Variants in LGALS3BP observed in about 807,000 individuals in gnomAD.
The protein encoded by LGALS3BP is galectin-3-binding protein.
A neutral mutation model predicts 22.9 loss-of-function variants in LGALS3BP; 25 were observed. That is an observed-to-expected ratio of 1.09 (90% CI 0.80 to 1.53). LGALS3BP has a LOEUF of 1.53. Ranked by LOEUF, LGALS3BP falls within the 40% of genes most tolerant of loss-of-function variation. The pLI, the probability that LGALS3BP is intolerant of heterozygous loss-of-function variation, is 0.00. For missense variants in LGALS3BP, 718 were observed against 752.0 expected (o/e 0.95, Z 0.53); for synonymous variants, 335 against 331.1 (o/e 1.01, Z -0.13).
chr17:78,971,581 C>A lies in LGALS3BP; in HGVS notation c.1753G>T (p.Asp585Tyr), dbSNP rs1407860232. 1 of 1,612,602 alleles carries A rather than the reference C, an allele frequency of 6.2e-7. No homozygotes were observed. Among genetic ancestry groups the A allele is most frequent in the Non-Finnish European group, 8.5e-7 (1 of 1,179,644 alleles). The change falls in exon 6 of 6, where the codon GAC becomes TAC. Residue 585 changes from aspartate (D) to tyrosine (Y), a missense_variant. By Grantham distance (160) the Asp-to-Tyr change is radical (BLOSUM62 -3). Transcript: ENST00000262776. The surrounding 1 kb of genome is among the most constrained non-coding windows in gnomAD (Gnocchi z 5.6). ...CCACCCTTGGGCCACGCCGTCTAGT[C>A]CACACCTGAGGAGTTGGTCAGGTAG... Reference protein sequence around the residue: ...PFYLTNSSGVD With the variant: ...PFYLTNSSGVY
At position 78,972,610 on chromosome 17, in the gene LGALS3BP, A is replaced by G; in HGVS notation, c.724T>C (p.Tyr242His). The G allele has an allele frequency of 6.3e-7, 1 of 1,579,212 alleles. No individual in the cohort carries two copies. The highest frequency in any genetic ancestry group is 1.8e-5 in the Admixed American group (1 of 56,746). ...SAYGARQLQG[Y>H]CASLFAILLP... ...AGGATGGCAAAGAGGCTTGCGCAGT[A>G]GCCCTGCAGCTGCCTGGCCCCATAG... The change falls in exon 6 of 6, where the codon TAC becomes CAC. Residue 242 changes from tyrosine to histidine, a missense_variant. Physicochemically the swap from Tyr to His is moderately conservative, Grantham distance 83. Transcript: ENST00000262776. The surrounding 1 kb of genome is among the most constrained non-coding windows in gnomAD (Gnocchi z 5.1).
intron 1 of LGALS3BP, 104 bp from the exon 2 acceptor site, chr17:78,977,318 G>A (rs150296248): frequency 1.5e-4 from 128 of 877,992 alleles, no homozygotes; most frequent in Non-Finnish European, 2.2e-4. Flanking sequence ...GGGCTGTGTG[G>A]CAGGCGGGGT....
In LGALS3BP at chr17:78,976,799, C is replaced by G. The variant is rs1298896442; in HGVS notation, c.52+341G>C. ...GTGTAAAGAATGTGAGGAAAAGCAG[C>G]CAGGACCCTCTGGAAGACTGACCTG... is the stretch of plus-strand genomic sequence containing the variant. On this transcript the variant is annotated intron_variant, in intron 2 of 5. Coordinates refer to ENST00000262776, the MANE Select transcript of LGALS3BP (RefSeq NM_005567.4). This position sits in a 1 kb window ranked among gnomAD's most constrained non-coding sequence, Gnocchi z 4.6. The G allele has an allele frequency of 3.2e-6, 1 of 315,546 alleles. No homozygotes were observed. The highest frequency in any genetic ancestry group is 6.0e-6 in the Non-Finnish European group (1 of 166,750). 19.5% of individuals were successfully genotyped at this position (315,546 alleles called of 1,614,324 possible).
Position 78,971,975 on chromosome 17 carries a change from G to T in LGALS3BP, c.1359C>A (p.Tyr453Ter), listed in dbSNP as rs11548451. 1 of 1,614,040 alleles carries T rather than the reference G, an allele frequency of 6.2e-7. No homozygotes were observed. The highest frequency in any genetic ancestry group is 8.5e-7 in the Non-Finnish European group (1 of 1,180,042). The change falls in exon 6 of 6, where the codon TAC becomes TAA. Residue 453 changes from tyrosine to a stop codon, truncating the protein, a stop_gained. Coordinates refer to ENST00000262776, the MANE Select transcript of LGALS3BP (RefSeq NM_005567.4). LOFTEE classifies it low-confidence loss of function (END_TRUNC). This position sits in a 1 kb window ranked among gnomAD's most constrained non-coding sequence, Gnocchi z 5.6. ...SSDYFQAPSD[Y>*]RYYPYQSFQT... ...GGAAGGACTGGTAGGGGTAGTATCT[G>T]TAGTCAGAGGGGGCTTGGAAGTAAT...
At position 78,972,576 on chromosome 17, in the gene LGALS3BP, T is replaced by A. The variant is rs773980951; in HGVS notation, c.758A>T (p.Gln253Leu). ...CASLFAILLP[Q>L]DPSFQMPLDL... ...CAGGGGCATCTGGAACGAGGGGTCC[T>A]GGGGGAGGAGGATGGCAAAGAGGCT... Residue 253 changes from glutamine to leucine, a missense_variant, in exon 6 of 6, where the codon CAG (glutamine) becomes CTG (leucine). Physicochemically the swap from Gln to Leu is moderately radical, Grantham distance 113 (BLOSUM62 -2). Coordinates refer to ENST00000262776, the MANE Select transcript of LGALS3BP (RefSeq NM_005567.4). The surrounding 1 kb of genome is among the most constrained non-coding windows in gnomAD (Gnocchi z 5.1). 1 of 1,600,878 alleles carries A rather than the reference T, an allele frequency of 6.2e-7. No individual in the cohort carries two copies. Among genetic ancestry groups the A allele is most frequent in the Non-Finnish European group, 8.5e-7 (1 of 1,171,322 alleles).
rs11548452 is a variant in LGALS3BP, at chr17:78,976,119, G to T, written c.90C>A (p.Gly30=). 17 of 1,594,168 alleles carry T rather than the reference G, an allele frequency of 1.1e-5. No individual in the cohort carries two copies. The highest frequency in any genetic ancestry group is 1.4e-5 in the Non-Finnish European group (16 of 1,171,256). ...TCTCCACGCGGCCCTGGTTGGTGGC[G>T]CCCCCATCGGCCAGCCGCATGTCAC... is the stretch of plus-strand genomic sequence containing the variant. ...NDGDMRLADG[G]ATNQGRVEIF... is the part of the protein sequence containing the mutation. The change falls in exon 3 of 6, where the codon GGC becomes GGA. Residue 30 remains glycine, a synonymous_variant. Coordinates refer to ENST00000262776, the MANE Select transcript of LGALS3BP (RefSeq NM_005567.4). This position sits in a 1 kb window ranked among gnomAD's most constrained non-coding sequence, Gnocchi z 4.6.
At position 78,971,655 on chromosome 17, in the gene LGALS3BP, G is replaced by A. The variant is rs748950590; in HGVS notation, c.1679C>T (p.Pro560Leu). 4.7e-5 allele frequency: 76 copies of A among 1,613,830 alleles called. No individual in the cohort carries two copies. The highest frequency in any genetic ancestry group is 5.6e-5 in the Non-Finnish European group (66 of 1,180,024). Residue 560 changes from proline (P) to leucine (L), a missense_variant, in exon 6 of 6, where the codon CCC (proline) becomes CTC (leucine). By Grantham distance (98) the Pro-to-Leu change is moderately conservative. Coordinates refer to ENST00000262776, the MANE Select transcript of LGALS3BP (RefSeq NM_005567.4). This position sits in a 1 kb window ranked among gnomAD's most constrained non-coding sequence, Gnocchi z 5.6. ...TNSSKSTSSF[P>L]CPAGHFNGFR... is the part of the protein sequence containing the mutation. ...GCCGTTGAAGTGCCCTGCCGGGCAG[G>A]GGAAGGAGGAGGTGCTCTTCGAGCT...
chr17:78,972,169 G>A lies in LGALS3BP; in HGVS notation c.1165C>T (p.Gln389Ter). Reference sequence around the variant, plus strand: ...AGGCCTTTGTACCGGGCCAGCAACTGGAAGGGCACAGTGTGGAATTCCAGG... The same window carrying A: ...AGGCCTTTGTACCGGGCCAGCAACTAGAAGGGCACAGTGTGGAATTCCAGG... The part of the protein sequence containing the change: ...QALEFHTVPF[Q>*]LLARYKGLNL... Residue 389 changes from glutamine (Q) to a stop codon, truncating the protein, a stop_gained, in exon 6 of 6, where the codon CAG (glutamine) becomes TAG (stop). Transcript: ENST00000262776. LOFTEE classifies it low-confidence loss of function (END_TRUNC). The surrounding 1 kb of genome is among the most constrained non-coding windows in gnomAD (Gnocchi z 5.1). 2 of 1,614,052 alleles carry A rather than the reference G, an allele frequency of 1.2e-6. No homozygotes were observed. Among genetic ancestry groups the A allele is most frequent in the Non-Finnish European group, 1.7e-6 (2 of 1,180,020 alleles).
rs1224834719 is a variant in LGALS3BP, at chr17:78,976,426, C to T, written c.53-270G>A. Among the ~76,000 whole-genome samples the T allele has an allele frequency of 6.6e-6, 1 of 152,186 alleles. No individual in the cohort carries two copies. The highest frequency in any genetic ancestry group is 1.5e-5 in the Non-Finnish European group (1 of 68,022). ...ATAGACAGAACAGGGGCAGAGAAGC[C>T]CTGAGTTCTCCAGCACTGGGAGTGG... On this transcript the variant is annotated intron_variant, in intron 2 of 5. Coordinates refer to ENST00000262776, the MANE Select transcript of LGALS3BP (RefSeq NM_005567.4). The surrounding 1 kb of genome is among the most constrained non-coding windows in gnomAD (Gnocchi z 4.6).
At chr17:78,974,611 G>A in intron 4 of LGALS3BP, 77 bp downstream of exon 4, 1 of 1,499,410 alleles carries the variant, frequency 6.7e-7, no homozygotes, top group Non-Finnish European at 9.1e-7. Flanking sequence ...GCGTGGGGGG[G>A]TGGTGCTGGG....
rs2070675133 is a variant in LGALS3BP, at chr17:78,971,951, G to A, written c.1383C>T (p.Phe461=). The change falls in exon 6 of 6, where the codon TTC becomes TTT. Residue 461 remains phenylalanine, a synonymous_variant. Coordinates refer to ENST00000262776, the MANE Select transcript of LGALS3BP (RefSeq NM_005567.4). This position sits in a 1 kb window ranked among gnomAD's most constrained non-coding sequence, Gnocchi z 5.6. ...SDYRYYPYQS[F]QTPQHPSFLF... ...GGAAGCTGGGGTGTTGTGGAGTCTG[G>A]AAGGACTGGTAGGGGTAGTATCTGT... 1 of 1,614,026 alleles carries A rather than the reference G, an allele frequency of 6.2e-7. No homozygotes were observed. The highest frequency in any genetic ancestry group is 1.7e-5 in the Admixed American group (1 of 59,998).
At chr17:78,975,912 A>G (rs1306351386) in intron 3 of LGALS3BP, 53 bp downstream of exon 3, 1 of 1,355,394 alleles carries the variant, frequency 7.4e-7, no homozygotes, top group Non-Finnish European at 1.0e-6. Flanking sequence ...CCCTCCTGGG[A>G]GCTGGCTGTG....
At position 78,976,032 on chromosome 17, in the gene LGALS3BP, G is replaced by A. The variant is rs144307858; in HGVS notation, c.177C>T (p.Ser59=). The part of the protein sequence containing the change: ...CDNLWDLTDA[S]VVCRALGFEN... ...CGAAGCCCAGGGCCCGGCAGACGACGCTGGCATCAGTCAGGTCCCACAGGT... is the reference window on the plus strand; with the variant it reads ...CGAAGCCCAGGGCCCGGCAGACGACACTGGCATCAGTCAGGTCCCACAGGT... Residue 59 remains serine (S), a synonymous_variant, in exon 3 of 6, where the codon AGC becomes AGT. Coordinates refer to ENST00000262776, the MANE Select transcript of LGALS3BP (RefSeq NM_005567.4). The surrounding 1 kb of genome is among the most constrained non-coding windows in gnomAD (Gnocchi z 4.6). The A allele has an allele frequency of 2.5e-6, 4 of 1,612,642 alleles. No individual in the cohort carries two copies. The highest frequency in any genetic ancestry group is 2.2e-5 in the East Asian group (1 of 44,878).
intron 1 of LGALS3BP, 112 bp from the exon 2 acceptor site, chr17:78,977,326 G>T: frequency 2.4e-6 from 2 of 833,576 alleles, no homozygotes; most frequent in Non-Finnish European, 1.9e-6. Flanking sequence ...TGGCAGGCGG[G>T]GTCCCTCTCT....
Position 78,976,138 on chromosome 17 carries a change from A to G in LGALS3BP, c.71T>C (p.Met24Thr), listed in dbSNP as rs2070718859. Residue 24 changes from methionine to threonine, a missense_variant, in exon 3 of 6, where the codon ATG becomes ACG. Coordinates refer to ENST00000262776, the MANE Select transcript of LGALS3BP (RefSeq NM_005567.4). This position sits in a 1 kb window ranked among gnomAD's most constrained non-coding sequence, Gnocchi z 4.6. The part of the protein sequence containing the change: ...AGTQGVNDGD[M>T]RLADGGATNQ... ...GGTGGCGCCCCCATCGGCCAGCCGC[A>G]TGTCACCATCGTTCACGCCTGCAGG... The G allele has an allele frequency of 1.3e-6, 2 of 1,586,832 alleles. No homozygotes were observed. Among genetic ancestry groups the G allele is most frequent in the Non-Finnish European group, 1.7e-6 (2 of 1,167,300 alleles).
chr17:78,977,616 T>A, intron 1 of LGALS3BP: 1 of 212,898 alleles, frequency 4.7e-6, no homozygotes. Context: ...GGAGGCCGGG[T>A]GAGCCTGGTT....
chr17:78,979,607 T>C (rs868536449), intron 1 of LGALS3BP: 4 of 152,140 alleles, frequency 2.6e-5, no homozygotes, highest in Admixed American at 6.5e-5. Context: ...AAAAATTAGC[T>C]GGGCGTGGTG....
At chr17:78,974,641 C>T in intron 4 of LGALS3BP, 47 bp downstream of exon 4, 2 of 1,592,780 alleles carry the variant, frequency 1.3e-6, no homozygotes, top group South Asian at 1.1e-5. Context: ...GGCCACGGGA[C>T]CCCAGGGCAC....
chr17:78,978,624 T>C (rs1309024911), intron 1 of LGALS3BP, among the ~76,000 whole-genome samples: 2 of 152,200 alleles, frequency 1.3e-5, no homozygotes, highest in African/African-American at 4.8e-5. Flanking sequence ...GTTTTAGCAC[T>C]GAAGTTTCCC....
Sources: gnomAD v4.1 joint callset for allele counts (sites outside exome capture counted in the v4.1 genomes callset) on GRCh38, gnomAD v4.1.1 for gene constraint, Gnocchi (gnomAD v3.1) non-coding constraint, MANE v1.5 for transcripts, NCBI Gene and HGNC (gene_info 2026-07-23, HGNC 2026-07-21) for gene names.